The following FLT4 variants were observed in gnomAD, a reference collection of about 807,000 sequenced individuals.
FLT4 encodes the protein fms related receptor tyrosine kinase 4, also known as vascular endothelial growth factor receptor 3.
A neutral mutation model predicts 163.2 loss-of-function variants in FLT4; 30 were observed. The ratio of observed to expected loss-of-function variants is 0.18; its 90% CI spans 0.14 to 0.25. The LOEUF (loss-of-function observed/expected upper bound fraction) is 0.25. FLT4 is among the 10% of genes least tolerant of loss of function. The pLI, the probability that FLT4 is intolerant of heterozygous loss-of-function variation, is 1.00. For missense variants in FLT4, 1,510 were observed against 1,863.8 expected, an observed-to-expected ratio of 0.81 and a Z score of 3.50; for synonymous variants, 884 against 789.5, an observed-to-expected ratio of 1.12 and a Z score of -2.01.
At chr5:180,628,188 A>G (rs3797102) in intron 8 of FLT4, among the ~76,000 whole-genome samples, 53,204 of 152,154 alleles carry the variant, frequency 0.35, 11,329 homozygotes, top group Non-Finnish European at 0.45. Context: ...TCGTCTATGC[A>G]ATGGGGACTC....
At chr5:180,631,356 C>T (rs1358830778) in intron 2 of FLT4, among the ~76,000 whole-genome samples, 1 of 152,088 alleles carries the variant, frequency 6.6e-6, no homozygotes, top group Non-Finnish European at 1.5e-5. Context: ...ACCTGTAGTC[C>T]CAGCTACTTG....
chr5:180,611,347 G>T lies in FLT4; in HGVS notation c.3670C>A (p.His1224Asn). The T allele has an allele frequency of 6.2e-7, 1 of 1,613,926 alleles. No homozygotes were observed. The highest frequency in any genetic ancestry group is 8.5e-7 in the Non-Finnish European group (1 of 1,179,992). ...AEDSPPSLQR[H>N]SLAARYYNWV... is the part of the protein sequence containing the mutation. Reference sequence around the variant, plus strand: ...ACAGCTGACCTGGCGGCCAGGCTGTGGCGCTGCAGGCTTGGCGGGCTGTCC... The same window carrying T: ...ACAGCTGACCTGGCGGCCAGGCTGTTGCGCTGCAGGCTTGGCGGGCTGTCC... Residue 1224 changes from histidine to asparagine, a missense_variant, in exon 27 of 30, where the codon CAC (histidine) becomes AAC (asparagine). Physicochemically the swap from His to Asn is moderately conservative, Grantham distance 68. Around this residue, in one of 5 missense-constraint regions of FLT4, gnomAD observed 295 missense variants for 311.0 expected, o/e 0.95. Transcript: ENST00000261937.
chr5:180,648,723 G>C (rs1342317884), intron 1 of FLT4, among the ~76,000 whole-genome samples: 2 of 101,448 alleles, frequency 2.0e-5, no homozygotes, highest in Non-Finnish European at 4.6e-5. Context: ...CTCCCCGCCA[G>C]AGCCACATCC....
intron 29 of FLT4, among the ~76,000 whole-genome samples, chr5:180,606,865 G>C (rs1324903121): frequency 1.3e-5 from 2 of 149,096 alleles, no homozygotes; most frequent in Non-Finnish European, 3.0e-5. Context: ...AGACCAGCCT[G>C]GCCAACGTGG....
chr5:180,612,156 G>T (rs138005807), intron 26 of FLT4, among the ~76,000 whole-genome samples: 1 of 152,212 alleles, frequency 6.6e-6, no homozygotes, highest in African/African-American at 2.4e-5. Flanking sequence ...TCAGTGGAGT[G>T]GGGGACAGAA....
At chr5:180,616,562 G>A in intron 22 of FLT4, 73 bp from the exon 23 acceptor site, 1 of 1,572,534 alleles carries the variant, frequency 6.4e-7, no homozygotes. Context: ...CGAAACTCCA[G>A]GGTGCCCAAG....
In FLT4 at chr5:180,626,232, G is replaced by A; in HGVS notation, c.1137C>T (p.His379=). 1 of 1,612,786 alleles carries A rather than the reference G, an allele frequency of 6.2e-7. No homozygotes were observed. The highest frequency in any genetic ancestry group is 8.5e-7 in the Non-Finnish European group (1 of 1,180,010). ...YKDGKALSGR[H]SPHALVLKEV... is the part of the protein sequence containing the mutation. ...CCTTGAGCACCAGGGCATGTGGACT[G>A]TGGCGCCCGGACAGTGCCTTTCCAT... Residue 379 remains histidine, a synonymous_variant, in exon 9 of 30, where the codon CAC becomes CAT. Transcript: ENST00000261937.
At position 180,618,999 on chromosome 5, in the gene FLT4, G is replaced by A. The variant is rs1187884751; in HGVS notation, c.2850+22C>T. On this transcript the variant is annotated intron_variant, in intron 20 of 29. Coordinates refer to ENST00000261937, the MANE Select transcript of FLT4 (RefSeq NM_182925.5). ...CCTCCATTCCCCCGCCGCCCGCGGC[G>A]CCCCGCAGGCCGCCCGCTCACCGCG... The A allele has an allele frequency of 5.2e-6, 8 of 1,546,174 alleles. No individual in the cohort carries two copies. In the South Asian group the frequency reaches 8.4e-5, roughly 16 times the overall value.
intron 29 of FLT4, among the ~76,000 whole-genome samples, chr5:180,607,408 C>A (rs1006373575): frequency 1.2e-4 from 18 of 151,892 alleles, no homozygotes; most frequent in African/African-American, 4.1e-4. Context: ...AGGCCGAGGG[C>A]GGGCGGATCA....
At chr5:180,613,656 G>C (rs1223698760) in intron 24 of FLT4, 1 of 323,958 alleles carries the variant, frequency 3.1e-6, no homozygotes, top group East Asian at 7.1e-5. Context: ...TTGCCACTTG[G>C]TGACATTTTA....
At chr5:180,641,269 C>G (rs1012755426) in intron 1 of FLT4, among the ~76,000 whole-genome samples, 1 of 152,210 alleles carries the variant, frequency 6.6e-6, no homozygotes, top group African/African-American at 2.4e-5. Flanking sequence ...GCCGGGGTGT[C>G]ATCAGCCCAT....
At chr5:180,629,191 C>A (rs1763887602) in intron 7 of FLT4, 68 bp downstream of exon 7, 3 of 1,593,756 alleles carry the variant, frequency 1.9e-6, no homozygotes, top group Non-Finnish European at 2.6e-6. Flanking sequence ...CTCCTGAGTG[C>A]TCAAGGGCAC....
chr5:180,622,756 C>T lies in FLT4; in HGVS notation c.1632G>A (p.Glu544=). The change falls in exon 12 of 30, where the codon GAG becomes GAA. Residue 544 remains glutamate, a synonymous_variant. Transcript: ENST00000261937. ...TGGTCACATAGAAGTAGATGAGCCG[C>T]TCATCCTGGCCCACCTTGTTGGAGA... ...CVVSNKVGQD[E]RLIYFYVTTI... is the part of the protein sequence containing the mutation. The T allele has an allele frequency of 6.2e-7, 1 of 1,612,492 alleles. No homozygotes were observed. Among genetic ancestry groups the T allele is most frequent in the Non-Finnish European group, 8.5e-7 (1 of 1,178,910 alleles).
Position 180,611,431 on chromosome 5 carries a change from C to T in FLT4, c.3586G>A (p.Glu1196Lys). Residue 1196 changes from glutamate to lysine, a missense_variant, in exon 27 of 30, where the codon GAG (glutamate) becomes AAG (lysine). Coordinates refer to ENST00000261937, the MANE Select transcript of FLT4 (RefSeq NM_182925.5). ...GTGGACACCTGCGAGAAGCTGCCCT[C>T]TTCTGAGCTCTGAGAGCTGCGCGGG... ...MAPRSSQSSE[E>K]GSFSQVSTMA... The T allele has an allele frequency of 6.2e-7, 1 of 1,614,032 alleles. No individual in the cohort carries two copies. Among genetic ancestry groups the T allele is most frequent in the Non-Finnish European group, 8.5e-7 (1 of 1,179,978 alleles).
rs1207315037 is a variant in FLT4 at position 180,602,425 on chromosome 5, A to G, written c.*767T>C. On this transcript the variant is annotated 3_prime_UTR_variant, in exon 30 of 30. Coordinates refer to ENST00000261937, the MANE Select transcript of FLT4 (RefSeq NM_182925.5). ...GGGGTCAGAGTCATCTAGACTCAGT[A>G]CAGCTGTCCCTGGGCGCCTTCCAGG... 3 of 384,902 alleles carry G rather than the reference A, an allele frequency of 7.8e-6. No individual in the cohort carries two copies. Among genetic ancestry groups the G allele is most frequent in the African/African-American group, 4.1e-5 (2 of 48,432 alleles). 23.8% of individuals were successfully genotyped at this position (384,902 alleles called of 1,614,324 possible). A position where few individuals can be genotyped will look rare whatever the true frequency, so the allele number is the denominator to read the frequency against.
At position 180,621,917 on chromosome 5, in the gene FLT4, G is replaced by C; in HGVS notation, c.1658-13C>G. 6.2e-7 allele frequency: 1 copy of C among 1,613,108 alleles called. No individual in the cohort carries two copies. Among genetic ancestry groups the C allele is most frequent in the Non-Finnish European group, 8.5e-7 (1 of 1,179,942 alleles). ...CCGTCGGGGATGGCTGTGGAGGGAG[G>C]AAGAAGCCCTGTGGCACTGCCCTGG... On this transcript the variant is annotated splice_polypyrimidine_tract_variant and intron_variant, in intron 12 of 29. Coordinates refer to ENST00000261937, the MANE Select transcript of FLT4 (RefSeq NM_182925.5).
intron 1 of FLT4, among the ~76,000 whole-genome samples, chr5:180,645,802 G>A (rs1309637541): frequency 6.6e-6 from 1 of 152,194 alleles, no homozygotes; most frequent in African/African-American, 2.4e-5. Flanking sequence ...GGAAGCCAGT[G>A]TCTGAAAAGG....
rs57918841 is a variant in FLT4, at chr5:180,601,825, T to TG, written c.*1366dup. 1.0e-5 allele frequency: 2 copies of TG among 192,116 alleles called. No individual in the cohort carries two copies. Among genetic ancestry groups the TG allele is most frequent in the Middle Eastern group, 1.8e-3 (1 of 566 alleles). 11.9% of individuals were successfully genotyped at this position (192,116 alleles called of 1,614,324 possible). ...CGGCATATCCTGGAGTAACGCGCAGTGGGGGAGGTGGGGAGGGGAGGGTCG... is the reference window on the plus strand; with the variant it reads ...CGGCATATCCTGGAGTAACGCGCAGTGGGGGGAGGTGGGGAGGGGAGGGTCG... On this transcript the variant is annotated 3_prime_UTR_variant, in exon 30 of 30. Coordinates refer to ENST00000261937, the MANE Select transcript of FLT4 (RefSeq NM_182925.5).
intron 10 of FLT4, among the ~76,000 whole-genome samples, chr5:180,625,329 G>C (rs1296172037): frequency 6.6e-6 from 1 of 152,152 alleles, no homozygotes; most frequent in East Asian, 1.9e-4. Flanking sequence ...CAGGTGGCTG[G>C]GTCCTGTTGC....
Sources: gnomAD v4.1 joint callset for allele counts (sites outside exome capture counted in the v4.1 genomes callset) on GRCh38, gnomAD v4.1.1 for gene constraint, gnomAD v4.1.1 regional missense constraint, MANE v1.5 for transcripts, NCBI Gene and HGNC (gene_info 2026-07-23, HGNC 2026-07-21) for gene names.